The following TAFA1 variants were observed in gnomAD, a reference collection of about 807,000 sequenced individuals.
TAFA1 encodes chemokine-like protein TAFA-1.
In TAFA1, 4 loss-of-function variants were observed where a neutral mutation model predicts 18.5. The observed-to-expected ratio is 0.22, with a 90% CI of 0.11 to 0.49. The LOEUF (loss-of-function observed/expected upper bound fraction) is 0.49. Ranked by LOEUF, TAFA1 falls within the 20% of genes least tolerant of loss-of-function variation. TAFA1 has a pLI of 0.98. For missense variants in TAFA1, 147 were observed against 169.0 expected, an observed-to-expected ratio of 0.87 and a Z score of 0.72; for synonymous variants, 56 against 55.2, an observed-to-expected ratio of 1.01 and a Z score of -0.06.
At chr3:68,502,355 A>C (rs1489365135) in intron 3 of TAFA1, among the ~76,000 whole-genome samples, 2 of 152,150 alleles carry the variant, frequency 1.3e-5, no homozygotes, top group Non-Finnish European at 2.9e-5. Context: ...ACACAGAAAA[A>C]AAAAGACTTT....
At chr3:68,105,176 C>A (rs2065190100) in intron 2 of TAFA1, among the ~76,000 whole-genome samples, 1 of 152,124 alleles carries the variant, frequency 6.6e-6, no homozygotes. Flanking sequence ...TATGAGGCAT[C>A]TGCCCCAGGA....
chr3:68,244,756 C>A (rs1043035605), intron 2 of TAFA1, among the ~76,000 whole-genome samples: 3 of 152,160 alleles, frequency 2.0e-5, no homozygotes, highest in Non-Finnish European at 2.9e-5. Context: ...TTTGAGCACC[C>A]ACCCTGTGCC....
At chr3:68,160,222 T>C (rs1009561939) in intron 2 of TAFA1, among the ~76,000 whole-genome samples, 1 of 152,190 alleles carries the variant, frequency 6.6e-6, no homozygotes, top group Non-Finnish European at 1.5e-5. Context: ...CAGGAGTAAG[T>C]GTACATTTTT....
At chr3:68,125,742 T>G (rs1008915102) in intron 2 of TAFA1, among the ~76,000 whole-genome samples, 1 of 152,188 alleles carries the variant, frequency 6.6e-6, no homozygotes, top group Non-Finnish European at 1.5e-5. Flanking sequence ...GGCAGTGCTG[T>G]GGCAGCTCAG....
At chr3:68,436,607 TGTA>T (rs2071272278) in intron 3 of TAFA1, among the ~76,000 whole-genome samples, 1 of 152,098 alleles carries the variant, frequency 6.6e-6, no homozygotes, top group African/African-American at 2.4e-5. Flanking sequence ...CATCTAATAA[TGTA>T]GTCCCCAAGC....
intron 2 of TAFA1, among the ~76,000 whole-genome samples, chr3:68,388,859 A>C (rs1284014573): frequency 2.6e-5 from 4 of 152,174 alleles, no homozygotes; most frequent in African/African-American, 9.7e-5. Context: ...ATCATAATAG[A>C]ATAGAGATCT....
chr3:68,432,652 G>A (rs953731206), intron 3 of TAFA1, among the ~76,000 whole-genome samples: 2 of 151,970 alleles, frequency 1.3e-5, no homozygotes, highest in Non-Finnish European at 2.9e-5. Flanking sequence ...ATGATAAGAG[G>A]AGACAAGTTG....
intron 2 of TAFA1, among the ~76,000 whole-genome samples, chr3:68,329,546 C>G (rs953506935): frequency 6.6e-6 from 1 of 152,078 alleles, no homozygotes; most frequent in South Asian, 2.1e-4. Flanking sequence ...GTTCAGAGGC[C>G]ACAGTTCTTG....
At chr3:68,535,779 T>C (rs2073270100) in intron 3 of TAFA1, among the ~76,000 whole-genome samples, 1 of 152,026 alleles carries the variant, frequency 6.6e-6, no homozygotes, top group South Asian at 2.1e-4. Flanking sequence ...CATAGTAATC[T>C]TGGATATGAG....
At chr3:68,345,996 G>A (rs1490507345) in intron 2 of TAFA1, among the ~76,000 whole-genome samples, 1 of 152,140 alleles carries the variant, frequency 6.6e-6, no homozygotes, top group African/African-American at 2.4e-5. Context: ...CAGAAGGAAT[G>A]GCTGGCTACT....
intron 2 of TAFA1, among the ~76,000 whole-genome samples, chr3:68,405,073 G>C (rs2070571389): frequency 6.6e-6 from 1 of 152,076 alleles, no homozygotes; most frequent in African/African-American, 2.4e-5. Context: ...TTATGGTTTA[G>C]AAGTGATGGA....
chr3:68,498,721 G>GTTTT (rs1559694779), intron 3 of TAFA1, among the ~76,000 whole-genome samples: 8 of 101,720 alleles, frequency 7.9e-5, no homozygotes, highest in African/African-American at 2.7e-4. Flanking sequence ...CCGTTTGGTG[G>GTTTT]CTTTTTTTTT....
chr3:68,132,323 A>T (rs1016475057), intron 2 of TAFA1, among the ~76,000 whole-genome samples: 2 of 152,222 alleles, frequency 1.3e-5, no homozygotes, highest in African/African-American at 4.8e-5. Context: ...TATTGTGAAC[A>T]GTGCTGCAAT....
chr3:68,492,404 C>G (rs1489150602), intron 3 of TAFA1, among the ~76,000 whole-genome samples: 2 of 152,088 alleles, frequency 1.3e-5, no homozygotes, highest in Non-Finnish European at 2.9e-5. Flanking sequence ...GTTAAGGCAG[C>G]AAAGCCTAGG....
At chr3:68,200,518 C>A (rs767679436) in intron 2 of TAFA1, among the ~76,000 whole-genome samples, 14 of 151,560 alleles carry the variant, frequency 9.2e-5, no homozygotes, top group Non-Finnish European at 1.9e-4. Flanking sequence ...TAATAGATAT[C>A]GGCCTATTTA....
intron 2 of TAFA1, among the ~76,000 whole-genome samples, chr3:68,117,806 T>G (rs560538033): frequency 6.6e-6 from 1 of 152,372 alleles, no homozygotes; most frequent in Admixed American, 6.5e-5. Context: ...AAATTACCTT[T>G]GATCTTTATG....
intron 2 of TAFA1, among the ~76,000 whole-genome samples, chr3:68,262,255 G>A (rs2067440893): frequency 7.6e-6 from 1 of 132,150 alleles, no homozygotes; most frequent in Non-Finnish European, 1.6e-5. Context: ...CTAAGTCCTG[G>A]GTTTAGGATT....
intron 2 of TAFA1, among the ~76,000 whole-genome samples, chr3:68,341,926 C>T (rs992126658): frequency 1.3e-5 from 2 of 152,148 alleles, no homozygotes; most frequent in Non-Finnish European, 2.9e-5. Context: ...CTGAAAAGGC[C>T]TTGAGTACCA....
chr3:68,104,095 T>C (rs2065179203), intron 2 of TAFA1, among the ~76,000 whole-genome samples: 1 of 152,192 alleles, frequency 6.6e-6, no homozygotes, highest in South Asian at 2.1e-4. Context: ...GTATAATAAT[T>C]AGTCTTTACT....
Sources: gnomAD v4.1 joint callset for allele counts (sites outside exome capture counted in the v4.1 genomes callset) on GRCh38, gnomAD v4.1.1 for gene constraint, MANE v1.5 for transcripts, NCBI Gene and HGNC (gene_info 2026-07-23, HGNC 2026-07-21) for gene names.